Variants in FZD3 observed in about 807,000 individuals in gnomAD.
The protein encoded by FZD3 is frizzled-3.
A neutral mutation model predicts 60.7 loss-of-function variants in FZD3; 30 were observed. The ratio of observed to expected loss-of-function variants is 0.49; its 90% CI spans 0.37 to 0.67. The LOEUF (loss-of-function observed/expected upper bound fraction) is 0.67, where lower values mean the gene tolerates loss of function less well. FZD3 is among the 30% of genes least tolerant of loss of function. The probability of loss-of-function intolerance (pLI) is 0.00; values close to 1 mark genes in which losing one functional copy is unlikely to be tolerated. For missense variants in FZD3, 605 were observed against 838.7 expected, an observed-to-expected ratio of 0.72 and a Z score of 3.44; for synonymous variants, 246 against 275.2, an observed-to-expected ratio of 0.89 and a Z score of 1.05.
At chr8:28,528,657 T>C (rs991271607) in intron 5 of FZD3, among the ~76,000 whole-genome samples, 1 of 152,172 alleles carries the variant, frequency 6.6e-6, no homozygotes, top group Non-Finnish European at 1.5e-5. Context: ...CCTCTGGTAG[T>C]CTTAGAATTA....
chr8:28,536,179 T>TC (rs1006292255), intron 5 of FZD3, among the ~76,000 whole-genome samples: 6 of 152,368 alleles, frequency 3.9e-5, no homozygotes, highest in African/African-American at 1.4e-4. Context: ...TACTCTGTAC[T>TC]AGAGTCATTT....
At chr8:28,496,445 G>T (rs577900525) in intron 1 of FZD3, among the ~76,000 whole-genome samples, 43 of 151,560 alleles carry the variant, frequency 2.8e-4, no homozygotes, top group East Asian at 1.9e-3. Flanking sequence ...GTTCTTTTTG[G>T]TTTTTTTTGT....
At chr8:28,507,803 T>A (rs1001084263) in intron 3 of FZD3, among the ~76,000 whole-genome samples, 15 of 140,834 alleles carry the variant, frequency 1.1e-4, no homozygotes, top group African/African-American at 2.6e-4. Context: ...TTTTTTTTTT[T>A]AACATATTTG....
At chr8:28,532,913 G>T (rs1447459602) in intron 5 of FZD3, among the ~76,000 whole-genome samples, 1 of 152,170 alleles carries the variant, frequency 6.6e-6, no homozygotes, top group African/African-American at 2.4e-5. Flanking sequence ...ACATCCTCCT[G>T]TAAAACTCTG....
chr8:28,551,001 C>T (rs185432455), intron 5 of FZD3, among the ~76,000 whole-genome samples: 448 of 152,162 alleles, frequency 2.9e-3, no homozygotes, highest in African/African-American at 0.01. Flanking sequence ...TCACCACTGC[C>T]TCTCTCCCGC....
chr8:28,557,058 A>G (rs1805521665), intron 7 of FZD3, among the ~76,000 whole-genome samples: 1 of 152,144 alleles, frequency 6.6e-6, no homozygotes, highest in Admixed American at 6.6e-5. Context: ...AGAAGAAATT[A>G]TATAGCCGGG....
chr8:28,503,253 G>C, intron 3 of FZD3, 51 bp downstream of exon 3: 2 of 1,106,082 alleles, frequency 1.8e-6, no homozygotes, highest in Non-Finnish European at 2.7e-6. Flanking sequence ...CTCTTGTGTT[G>C]TCCCATCAGC....
At position 28,527,571 on chromosome 8, in the gene FZD3, C is replaced by A. The variant is rs781462623; in HGVS notation, c.811C>A (p.Gln271Lys). 9 of 1,613,830 alleles carry A rather than the reference C, an allele frequency of 5.6e-6. No homozygotes were observed. The highest frequency in any genetic ancestry group is 5.0e-5 in the Admixed American group (3 of 60,000). The change falls in exon 5 of 8, where the codon CAA (glutamine) becomes AAA (lysine). Residue 271 changes from glutamine to lysine, a missense_variant. Transcript: ENST00000240093. The surrounding 1 kb of genome is among the most constrained non-coding windows in gnomAD (Gnocchi z 5.0). ...RVACNASIPA[Q>K]YKASTVTQGS... ...AGCCTGCAATGCATCCATCCCTGCA[C>A]AATATAAGGCTTCCACAGTGACACA...
chr8:28,536,614 C>G (rs1330784509), intron 5 of FZD3, among the ~76,000 whole-genome samples: 1 of 152,068 alleles, frequency 6.6e-6, no homozygotes, highest in East Asian at 1.9e-4. Context: ...GAGGCTGAGG[C>G]AGGAGAATTG....
intron 4 of FZD3, among the ~76,000 whole-genome samples, chr8:28,521,105 T>C (rs868300459): frequency 4.6e-5 from 7 of 152,274 alleles, no homozygotes; most frequent in African/African-American, 1.2e-4. Flanking sequence ...AAAACATTTT[T>C]TTCTGATTAT....
At chr8:28,531,342 ATTTGT>A (rs1170661257) in intron 5 of FZD3, among the ~76,000 whole-genome samples, 2 of 152,120 alleles carry the variant, frequency 1.3e-5, no homozygotes, top group African/African-American at 4.8e-5. Context: ...TGTACTGATA[ATTTGT>A]TTTAACTGCA....
intron 5 of FZD3, among the ~76,000 whole-genome samples, chr8:28,533,141 T>A (rs1377862787): frequency 6.6e-6 from 1 of 152,164 alleles, no homozygotes; most frequent in Admixed American, 6.5e-5. Flanking sequence ...CCATTTGAGT[T>A]TTTGCTCCTA....
At chr8:28,552,714 A>G (rs1422590107) in intron 6 of FZD3, among the ~76,000 whole-genome samples, 1 of 152,204 alleles carries the variant, frequency 6.6e-6, no homozygotes, top group African/African-American at 2.4e-5. Context: ...CAGCCTCACT[A>G]ATAAAGTTTA....
intron 5 of FZD3, among the ~76,000 whole-genome samples, chr8:28,549,853 T>G (rs1416334935): frequency 1.3e-5 from 2 of 152,156 alleles, no homozygotes; most frequent in Admixed American, 1.3e-4. Context: ...GATCTAATAA[T>G]ATGTTGAATT....
rs1265970716 is a variant in FZD3 at position 28,557,340 on chromosome 8, G to T, written c.1787+1369G>T. Among the ~76,000 whole-genome samples the T allele has an allele frequency of 2.5e-4, 38 of 151,840 alleles. 1 individual carries two copies. The highest frequency in any genetic ancestry group is 2.5e-3 in the Admixed American group (38 of 15,254). On this transcript the variant is annotated intron_variant, in intron 7 of 7. Transcript: ENST00000240093. ...TAAGATTTCTTTTGGGAAACTGAAA[G>T]AATGAAAATTATAATACCTGAAACT...
At position 28,524,922 on chromosome 8, in the gene FZD3, T is replaced by C. The variant is rs777433982; in HGVS notation, c.387-2225T>C. 6.1e-4 allele frequency among the ~76,000 whole-genome samples: 93 copies of C among 152,210 alleles called. 4 individuals carry two copies. The highest frequency in any genetic ancestry group is 6.5e-4 in the Admixed American group (10 of 15,282). On this transcript the variant is annotated intron_variant, in intron 4 of 7. Coordinates refer to ENST00000240093, the MANE Select transcript of FZD3 (RefSeq NM_017412.4). ...CTCACTGTTTTATTCCCTGGAAGTATCTTCTGTTCCTACTTCATTGATCTT... is the reference window on the plus strand; with the variant it reads ...CTCACTGTTTTATTCCCTGGAAGTACCTTCTGTTCCTACTTCATTGATCTT...
At chr8:28,541,853 T>A (rs1805175535) in intron 5 of FZD3, among the ~76,000 whole-genome samples, 1 of 152,184 alleles carries the variant, frequency 6.6e-6, no homozygotes, top group Non-Finnish European at 1.5e-5. Flanking sequence ...TTGGACCCTC[T>A]CTTTCTCACA....
At chr8:28,538,587 C>A (rs1226994615) in intron 5 of FZD3, among the ~76,000 whole-genome samples, 1 of 152,006 alleles carries the variant, frequency 6.6e-6, no homozygotes, top group Non-Finnish European at 1.5e-5. Flanking sequence ...TCTTCATATG[C>A]AAAAAACACA....
intron 7 of FZD3, among the ~76,000 whole-genome samples, chr8:28,558,381 C>G (rs1454754214): frequency 6.6e-6 from 1 of 152,018 alleles, no homozygotes; most frequent in African/African-American, 2.4e-5. Flanking sequence ...ATGAACCCAG[C>G]TTTATTTGAC....
Sources: allele counts gnomAD v4.1 joint callset (sites outside exome capture counted in the v4.1 genomes callset), GRCh38; gene constraint gnomAD v4.1.1; non-coding constraint Gnocchi (gnomAD v3.1); transcripts MANE v1.5; gene names NCBI Gene and HGNC (gene_info 2026-07-23, HGNC 2026-07-21).